DYSF: variants seen among roughly 807,000 people sequenced by gnomAD.
The protein encoded by DYSF is dystrophy-associated fer-1-like 1.
A neutral mutation model predicts 274.9 loss-of-function variants in DYSF; 212 were observed. The observed-to-expected ratio is 0.77, with a 90% CI of 0.69 to 0.86. The LOEUF is 0.86. Among genes scored for constraint, DYSF ranks in the 40% least tolerant of loss-of-function variants. The probability of loss-of-function intolerance (pLI) is 0.00; values close to 1 mark genes in which losing one functional copy is unlikely to be tolerated. For synonymous variants in DYSF, 1,091 were observed against 1,078.7 expected (o/e 1.01, Z -0.22); for missense variants, 2,666 against 2,783.2 (o/e 0.96, Z 0.95).
chr2:71,599,144 G>A (rs1162997936), intron 33 of DYSF, among the ~76,000 whole-genome samples: 2 of 152,200 alleles, frequency 1.3e-5, no homozygotes, highest in South Asian at 2.1e-4. Flanking sequence ...TTAGGTGGGA[G>A]CCCAGACACC....
At chr2:71,657,278 C>T (rs571130390) in intron 43 of DYSF, among the ~76,000 whole-genome samples, 207 of 152,306 alleles carry the variant, frequency 1.4e-3, no homozygotes, top group African/African-American at 4.2e-3. Context: ...GTCATGCTGA[C>T]GCAAAAGGTA....
intron 36 of DYSF, 122 bp downstream of exon 36, chr2:71,602,927 G>C (rs1480587088): frequency 8.4e-7 from 1 of 1,197,228 alleles, no homozygotes; most frequent in Admixed American, 2.0e-5. Flanking sequence ...GTCACATGGA[G>C]ACCTGTCTGG....
chr2:71,613,642 A>T (rs569869577), intron 40 of DYSF, among the ~76,000 whole-genome samples: 25 of 152,212 alleles, frequency 1.6e-4, no homozygotes, highest in Admixed American at 3.3e-4. Flanking sequence ...TCTTGGATGC[A>T]TATGTGAAAA....
intron 49 of DYSF, 104 bp downstream of exon 49, chr2:71,668,946 C>T (rs936848114): frequency 1.5e-6 from 2 of 1,372,888 alleles, no homozygotes; most frequent in African/African-American, 1.4e-5. Context: ...GGGCTTCAGG[C>T]TATTTGGGCC....
In DYSF at chr2:71,686,558, C is replaced by T. The variant is rs1204709116; in HGVS notation, c.*66C>T. On this transcript the variant is annotated 3_prime_UTR_variant, in exon 56 of 56. Coordinates refer to ENST00000410020, the MANE Select transcript of DYSF (RefSeq NM_001130987.2). ...CAGCATGGGACTGGCCTGCCTCCTC[C>T]GCCCAGCTCGGCGAGCTCCTCCAGA... 1.4e-5 allele frequency: 23 copies of T among 1,595,406 alleles called. No homozygotes were observed. The highest frequency in any genetic ancestry group is 1.1e-4 in the East Asian group (5 of 44,788).
chr2:71,606,843 G>A (rs2093656503), intron 36 of DYSF, among the ~76,000 whole-genome samples: 1 of 152,176 alleles, frequency 6.6e-6, no homozygotes, highest in Non-Finnish European at 1.5e-5. Context: ...AGCAGGCCTG[G>A]GGAGGACCCA....
At position 71,492,704 on chromosome 2, in the gene DYSF, C is replaced by T. The variant is rs575726436; in HGVS notation, c.240-10510C>T. Among the ~76,000 whole-genome samples, 32 of 139,218 alleles carry T rather than the reference C, an allele frequency of 2.3e-4. 1 individual carries two copies. In the South Asian group the frequency reaches 8.1e-3, roughly 35 times the overall value. The allele number at this position is 139,218 out of a possible 152,430, so 91.3% of individuals were successfully genotyped here. On this transcript the variant is annotated intron_variant, in intron 3 of 55. Transcript: ENST00000410020. ...TTATTATTATCTCCCTTCCTCCCCC[C>T]CCCCCTTTTCTTTCTCTCGTCTCTC...
chr2:71,476,627 A>C (rs1022517215), intron 1 of DYSF, among the ~76,000 whole-genome samples: 5 of 152,236 alleles, frequency 3.3e-5, no homozygotes, highest in Admixed American at 3.3e-4. Context: ...AAAAATAAAA[A>C]GGCAGTTTCA....
At chr2:71,526,131 T>C in intron 12 of DYSF, 89 bp from the exon 13 acceptor site, 1 of 1,611,560 alleles carries the variant, frequency 6.2e-7, no homozygotes, top group African/African-American at 1.3e-5. Context: ...ATGCAGCATT[T>C]ATGTGGCGAA....
At chr2:71,627,533 T>C (rs543854039) in intron 41 of DYSF, among the ~76,000 whole-genome samples, 3 of 152,122 alleles carry the variant, frequency 2.0e-5, no homozygotes, top group Non-Finnish European at 2.9e-5. Context: ...GTCCTGTGTG[T>C]GCTTGAAAAG....
At chr2:71,495,550 A>C (rs1372745737) in intron 3 of DYSF, among the ~76,000 whole-genome samples, 1 of 152,200 alleles carries the variant, frequency 6.6e-6, no homozygotes, top group African/African-American at 2.4e-5. Flanking sequence ...CCAATAGAAC[A>C]GGAGCTATGT....
At chr2:71,517,449 A>G (rs540895006) in intron 10 of DYSF, among the ~76,000 whole-genome samples, 87 of 152,360 alleles carry the variant, frequency 5.7e-4, no homozygotes, top group Non-Finnish European at 9.8e-4. Flanking sequence ...TGAGAATGAC[A>G]TTTGTATACT....
intron 3 of DYSF, among the ~76,000 whole-genome samples, chr2:71,502,070 T>C (rs1405604876): frequency 7.0e-6 from 1 of 143,800 alleles, no homozygotes; most frequent in Non-Finnish European, 1.5e-5. Context: ...GATTTTTCTC[T>C]CCATGACTCT....
chr2:71,489,319 G>T (rs1227690247), intron 3 of DYSF, among the ~76,000 whole-genome samples: 3 of 152,136 alleles, frequency 2.0e-5, no homozygotes, highest in Non-Finnish European at 4.4e-5. Flanking sequence ...TGAATGCATA[G>T]GTGGCAGCCT....
rs764542175 is a variant in DYSF at position 71,526,330 on chromosome 2, C to G, written c.1260C>G (p.Ala420=). 5 of 1,553,004 alleles carry G rather than the reference C, an allele frequency of 3.2e-6. No homozygotes were observed. Among genetic ancestry groups the G allele is most frequent in the East Asian group, 2.5e-5 (1 of 39,938 alleles). ...GAHFCLKVFR[A]EDLPQMDDAV... is the part of the protein sequence containing the mutation. The stretch of plus-strand genomic sequence containing the variant: ...ACTTCTGCCTGAAGGTCTTCCGGGC[C>G]GAGGACTTGCCGCAGAGTGCGTGGG... Residue 420 remains alanine (A), a synonymous_variant, in exon 13 of 56, where the codon GCC becomes GCG. Coordinates refer to ENST00000410020, the MANE Select transcript of DYSF (RefSeq NM_001130987.2).
In DYSF at chr2:71,613,341, G is replaced by C. The variant is rs2093810492; in HGVS notation, c.4395G>C (p.Val1465=). 1.2e-6 allele frequency: 2 copies of C among 1,612,888 alleles called. No individual in the cohort carries two copies. The highest frequency in any genetic ancestry group is 1.7e-5 in the Admixed American group (1 of 59,910). The change falls in exon 40 of 56, where the codon GTG becomes GTC. Residue 1465 remains valine, a synonymous_variant. Coordinates refer to ENST00000410020, the MANE Select transcript of DYSF (RefSeq NM_001130987.2). The stretch of plus-strand genomic sequence containing the variant: ...TGGCTCCCTCCCCTGCAGACGATGT[G>C]AGCCTACTCAGTCCTGGGGAAGACG... ...SPSPQGGPDD[V]SLLSPGEDVL...
chr2:71,574,255 AAGTTCCACCTCG>A lies in DYSF; in HGVS notation c.3290_3301del (p.Phe1097_Glu1100del), dbSNP rs1234587760. 3 of 1,613,918 alleles carry A rather than the reference AAGTTCCACCTCG, an allele frequency of 1.9e-6. No individual in the cohort carries two copies. The highest frequency in any genetic ancestry group is 1.7e-5 in the Admixed American group (1 of 60,006). ...GGAGTACGCCTCTCTTTTTGGCTGG[AAGTTCCACCTCG>A]AGTACCGCAAGACAGATGCCTTCCG... On this transcript the variant is annotated inframe_deletion, in exon 30 of 56. Coordinates refer to ENST00000410020, the MANE Select transcript of DYSF (RefSeq NM_001130987.2).
At chr2:71,556,195 C>A in intron 22 of DYSF, 124 bp downstream of exon 22, 1 of 808,402 alleles carries the variant, frequency 1.2e-6, no homozygotes, top group Non-Finnish European at 2.1e-6. Context: ...GCCAGCAGTC[C>A]AGCCCGTGCT....
At chr2:71,617,900 T>G (rs1225892927) in intron 40 of DYSF, among the ~76,000 whole-genome samples, 10 of 35,254 alleles carry the variant, frequency 2.8e-4, no homozygotes, top group South Asian at 9.7e-4. Flanking sequence ...TAGAGGTGTG[T>G]TTGTGGTAGA....
Sources: allele counts gnomAD v4.1 joint callset (sites outside exome capture counted in the v4.1 genomes callset), GRCh38; gene constraint gnomAD v4.1.1; transcripts MANE v1.5; gene names NCBI Gene and HGNC (gene_info 2026-07-23, HGNC 2026-07-21).